The following SORBS2 variants were observed in gnomAD, a reference collection of about 807,000 sequenced individuals.
SORBS2 encodes the protein sorbin and SH3 domain containing 2, also known as sorbin and SH3 domain-containing protein 2.
Under a neutral mutation model 97.7 loss-of-function variants are expected in SORBS2, and 46 were observed. The ratio of observed to expected loss-of-function variants is 0.47; its 90% CI spans 0.37 to 0.60. The LOEUF is 0.60. Among genes scored for constraint, SORBS2 ranks in the 20% least tolerant of loss-of-function variants. SORBS2 has a pLI of 0.00. For missense variants in SORBS2, 1,316 were observed against 1,282.3 expected (o/e 1.03, Z -0.40); for synonymous variants, 476 against 473.4 (o/e 1.01, Z -0.07).
chr4:185,690,677 C>A, intron 2 of SORBS2, 66 bp from the exon 4 acceptor site: 2 of 654,092 alleles, frequency 3.1e-6, no homozygotes, highest in South Asian at 5.1e-5. Context: ...GAAAGTGTGT[C>A]GCATTTTTGT....
intron 7 of SORBS2, among the ~76,000 whole-genome samples, chr4:185,620,465 A>G (rs73028067): frequency 6.6e-6 from 1 of 152,108 alleles, no homozygotes; most frequent in Non-Finnish European, 1.5e-5. Flanking sequence ...TTTCATATAA[A>G]TTTTTTCCAA....
At chr4:185,868,934 G>T (rs373752784) in intron 1 of SORBS2, among the ~76,000 whole-genome samples, 1 of 152,144 alleles carries the variant, frequency 6.6e-6, no homozygotes, top group East Asian at 1.9e-4. Flanking sequence ...GAATCCCAGG[G>T]GTTCAACCTG....
intron 12 of SORBS2, 23 bp from the exon 25 acceptor site, chr4:185,593,958 G>A: frequency 6.5e-7 from 1 of 1,546,534 alleles, no homozygotes; most frequent in Non-Finnish European, 8.9e-7. Context: ...GATTTTCAAT[G>A]TAATCAATGT....
intron 2 of SORBS2, among the ~76,000 whole-genome samples, chr4:185,698,321 C>G (rs2098208173): frequency 6.6e-6 from 1 of 152,006 alleles, no homozygotes; most frequent in Admixed American, 6.6e-5. Flanking sequence ...TACTAAAATT[C>G]AAAAATTAGC....
chr4:185,794,369 T>C (rs1339527313), intron 1 of SORBS2, among the ~76,000 whole-genome samples: 1 of 152,202 alleles, frequency 6.6e-6, no homozygotes. Flanking sequence ...CAAGGTCCTA[T>C]GTTCATAAAT....
exon 12 of SORBS2, chr4:185,611,959 T>G (rs2096545243): frequency 6.2e-7 from 1 of 1,607,972 alleles, no homozygotes; most frequent in Admixed American, 1.7e-5. Context: ...TCAACTCTTT[T>G]AAGAAGAATA....
At chr4:185,935,872 G>C (rs923890357) in intron 1 of SORBS2, among the ~76,000 whole-genome samples, 1 of 152,016 alleles carries the variant, frequency 6.6e-6, no homozygotes, top group Non-Finnish European at 1.5e-5. Context: ...CTTTTTCTTT[G>C]TGACATGGTC....
At position 185,855,751 on chromosome 4, in the gene SORBS2, C is replaced by T. The variant is rs115597307; in HGVS notation, c.-337-80385G>A. Among the ~76,000 whole-genome samples the T allele has an allele frequency of 6.3e-3, 956 of 152,266 alleles. 12 individuals carry two copies. The highest frequency in any genetic ancestry group is 0.021 in the African/African-American group (892 of 41,544). ...ACCAAATCCATCATATAACTTATTA[C>T]GCACCAAAGTCTTCCTTCACCACCA... is the stretch of plus-strand genomic sequence containing the variant. On this transcript the variant is annotated intron_variant, in intron 1 of 20. Transcript: ENST00000284776.
At chr4:185,824,245 A>G (rs2153671333) in intron 1 of SORBS2, among the ~76,000 whole-genome samples, 1 of 152,280 alleles carries the variant, frequency 6.6e-6, no homozygotes, top group African/African-American at 2.4e-5. Context: ...GCTGCCAGCA[A>G]TCTTGGTGTT....
chr4:185,828,084 C>T (rs967755315), intron 1 of SORBS2, among the ~76,000 whole-genome samples: 42 of 152,182 alleles, frequency 2.8e-4, no homozygotes, highest in South Asian at 2.3e-3. Flanking sequence ...TCTAAAAACA[C>T]GGTAAGGAGG....
intron 1 of SORBS2, among the ~76,000 whole-genome samples, chr4:185,866,236 A>G (rs2099226820): frequency 1.3e-5 from 2 of 152,218 alleles, no homozygotes; most frequent in African/African-American, 4.8e-5. Flanking sequence ...TAAATGTGCC[A>G]GTGTTCCCAG....
exon 7 of SORBS2, chr4:185,624,261 C>T (rs761911879): frequency 6.2e-7 from 1 of 1,614,180 alleles, no homozygotes; most frequent in Admixed American, 1.7e-5. Context: ...TTTAGGAGAT[C>T]GTCACAGCTC....
intron 2 of SORBS2, among the ~76,000 whole-genome samples, chr4:185,651,486 G>C (rs2097313250): frequency 6.6e-6 from 1 of 152,128 alleles, no homozygotes; most frequent in South Asian, 2.1e-4. Flanking sequence ...ATCTTATTTT[G>C]TACCCTGGGT....
At chr4:185,859,638 T>C (rs1161782730) in intron 1 of SORBS2, among the ~76,000 whole-genome samples, 2 of 152,224 alleles carry the variant, frequency 1.3e-5, no homozygotes, top group African/African-American at 4.8e-5. Flanking sequence ...ATGATACATA[T>C]TGTTTTTGCT....
Position 185,947,116 on chromosome 4 carries a change from C to T in SORBS2, c.-338+9080G>A, listed in dbSNP as rs532526099. Reference sequence around the variant, plus strand: ...TCATGGCCCTGGCATTTATAGCTTTCCCCCTTTCAGTTTTCTTGAATTCCT... The same window carrying T: ...TCATGGCCCTGGCATTTATAGCTTTTCCCCTTTCAGTTTTCTTGAATTCCT... On this transcript the variant is annotated intron_variant, in intron 1 of 20. Coordinates refer to the SORBS2 transcript ENST00000284776. Among the ~76,000 whole-genome samples the T allele has an allele frequency of 1.3e-3, 191 of 152,312 alleles. 1 individual carries two copies. The highest frequency in any genetic ancestry group is 4.4e-3 in the African/African-American group (183 of 41,576).
Position 185,881,060 on chromosome 4 carries a change from A to G in SORBS2, c.-338+75136T>C, listed in dbSNP as rs1035052430. 2.0e-5 allele frequency among the ~76,000 whole-genome samples: 3 copies of G among 152,216 alleles called. No homozygotes were observed. In the South Asian group the frequency reaches 6.2e-4, roughly 32 times the overall value. Reference sequence around the variant, plus strand: ...GAAAAGAGGAAGGAAGTTGCTGAGCAAAAGCTTGGATTTAAAAACTAGTAA... The same window carrying G: ...GAAAAGAGGAAGGAAGTTGCTGAGCGAAAGCTTGGATTTAAAAACTAGTAA... On this transcript the variant is annotated intron_variant, in intron 1 of 20. Transcript: ENST00000284776.
rs149806042 is a variant in SORBS2, at chr4:185,617,354, A to G, written c.2351+1231T>C. 5.3e-5 allele frequency among the ~76,000 whole-genome samples: 8 copies of G among 152,282 alleles called. No homozygotes were observed. The East Asian group carries it at 1.5e-3, about 29-fold the overall frequency. On this transcript the variant is annotated intron_variant, in intron 9 of 14. Transcript: ENST00000418609. ...CTTTTCTTCAGGCCAGATTTAAGCC[A>G]TGTTCAACATCTTAATTTCTAAACA... is the stretch of plus-strand genomic sequence containing the variant.
intron 1 of SORBS2, among the ~76,000 whole-genome samples, chr4:185,802,095 C>T (rs2153658765): frequency 6.6e-6 from 1 of 152,224 alleles, no homozygotes; most frequent in East Asian, 1.9e-4. Context: ...CTCTAACAAA[C>T]TTCAATTCTC....
At chr4:185,857,748 T>TGAGATAAGGGATGAAATACGCCC (rs2099221370) in intron 1 of SORBS2, among the ~76,000 whole-genome samples, 1 of 152,148 alleles carries the variant, frequency 6.6e-6, no homozygotes, top group Non-Finnish European at 1.5e-5. Context: ...CTTATACGGT[T>TGAGATAAGGGATGAAATACGCCC]GAGATAAGGG....
Sources: gnomAD v4.1 joint callset for allele counts (sites outside exome capture counted in the v4.1 genomes callset) on GRCh38, gnomAD v4.1.1 for gene constraint, MANE v1.5 for transcripts, NCBI Gene and HGNC (gene_info 2026-07-23, HGNC 2026-07-21) for gene names.